The following NAV2 variants were observed in gnomAD, a reference collection of about 807,000 sequenced individuals.
NAV2 encodes the protein helicase, APC down-regulated 1.
In NAV2, 54 loss-of-function variants were observed where a neutral mutation model predicts 223.2. The ratio of observed to expected loss-of-function variants is 0.24; its 90% CI spans 0.19 to 0.30. NAV2 has a LOEUF of 0.30. Ranked by LOEUF, NAV2 falls within the 10% of genes least tolerant of loss-of-function variation. The probability of loss-of-function intolerance (pLI) is 1.00; values close to 1 mark genes in which losing one functional copy is unlikely to be tolerated. For synonymous variants in NAV2, 1,279 were observed against 1,239.3 expected (o/e 1.03, Z -0.67); for missense variants, 2,806 against 3,147.5 (o/e 0.89, Z 2.60).
chr11:19,668,466 G>A (rs1351120427), intron 1 of NAV2, among the ~76,000 whole-genome samples: 1 of 141,194 alleles, frequency 7.1e-6, no homozygotes, highest in African/African-American at 2.6e-5. Context: ...CTGGGAGGTG[G>A]AAGTTGCAGT....
chr11:19,898,932 T>C (rs2042222062), intron 6 of NAV2, among the ~76,000 whole-genome samples: 1 of 152,216 alleles, frequency 6.6e-6, no homozygotes, highest in South Asian at 2.1e-4. Context: ...TGACACTGCT[T>C]TGACAACCAG....
intron 1 of NAV2, among the ~76,000 whole-genome samples, chr11:19,641,432 T>C (rs561224061): frequency 6.6e-5 from 10 of 152,180 alleles, no homozygotes; most frequent in African/African-American, 2.4e-4. Context: ...TCTTAGCTGG[T>C]CTTGCTGCCT....
chr11:19,884,460 T>C (rs2153104237), intron 5 of NAV2: 1 of 980,946 alleles, frequency 1.0e-6, no homozygotes, highest in East Asian at 2.5e-5. Context: ...GGTCCTCTCC[T>C]CGTTTCATGT....
intron 1 of NAV2, among the ~76,000 whole-genome samples, chr11:19,365,129 C>G (rs1300271991): frequency 6.6e-6 from 1 of 152,192 alleles, no homozygotes; most frequent in Non-Finnish European, 1.5e-5. Context: ...AAGACAATAG[C>G]TTATGTTTGG....
chr11:20,103,496 G>GT (rs1202759677), intron 33 of NAV2, 87 bp downstream of exon 33: 2 of 1,528,208 alleles, frequency 1.3e-6, no homozygotes, highest in Non-Finnish European at 1.8e-6. Flanking sequence ...GCCCGGGGCC[G>GT]TTGTGGGAGT....
chr11:19,556,299 G>A (rs887293335), intron 1 of NAV2, among the ~76,000 whole-genome samples: 15 of 152,336 alleles, frequency 9.8e-5, no homozygotes, highest in Admixed American at 3.3e-4. Context: ...GGAATATCAT[G>A]CCACCATTAA....
intron 1 of NAV2, among the ~76,000 whole-genome samples, chr11:19,454,966 C>T (rs77860705): frequency 2.0e-5 from 3 of 152,082 alleles, no homozygotes; most frequent in Non-Finnish European, 2.9e-5. Context: ...GCATCACCTG[C>T]GAACAGGTTA....
intron 14 of NAV2, among the ~76,000 whole-genome samples, chr11:20,047,512 G>A (rs913671584): frequency 1.3e-5 from 2 of 152,308 alleles, no homozygotes; most frequent in Admixed American, 1.3e-4. Context: ...AGAAAAAAAA[G>A]TGGATGAGAT....
At position 19,849,052 on chromosome 11, in the gene NAV2, C is replaced by T. The variant is rs550489460; in HGVS notation, c.438+6129C>T. Among the ~76,000 whole-genome samples the T allele has an allele frequency of 2.2e-4, 33 of 152,334 alleles. No homozygotes were observed. The South Asian group carries it at 6.8e-3, about 32-fold the overall frequency. On this transcript the variant is annotated intron_variant, in intron 3 of 37. Transcript: ENST00000349880. The stretch of plus-strand genomic sequence containing the variant: ...TTAATGAGCTAACATTTATTGATCA[C>T]TCACTATGCACCAGACTATGTGCTG...
At chr11:19,889,758 AGT>A (rs1312080544) in intron 5 of NAV2, among the ~76,000 whole-genome samples, 12 of 152,240 alleles carry the variant, frequency 7.9e-5, no homozygotes, top group Non-Finnish European at 1.6e-4. Context: ...CATTCCAGAG[AGT>A]GGAGCCCACA....
intron 5 of NAV2, chr11:19,884,454 C>T: frequency 9.5e-7 from 1 of 1,054,350 alleles, no homozygotes; most frequent in Non-Finnish European, 1.5e-6. Context: ...GCCTTTGGTC[C>T]TCTCCTCGTT....
intron 1 of NAV2, among the ~76,000 whole-genome samples, chr11:19,734,551 C>T (rs1448635297): frequency 2.6e-5 from 4 of 152,218 alleles, no homozygotes; most frequent in Non-Finnish European, 4.4e-5. Flanking sequence ...AGTTCATGCT[C>T]AAGCATTCGT....
intron 1 of NAV2, among the ~76,000 whole-genome samples, chr11:19,678,187 A>G (rs1474636833): frequency 6.6e-6 from 1 of 152,166 alleles, no homozygotes; most frequent in Admixed American, 6.5e-5. Flanking sequence ...ATAAGAAGAA[A>G]ACCAATTGCT....
chr11:19,960,589 T>TTTTA (rs5790101), intron 10 of NAV2, among the ~76,000 whole-genome samples: 76,552 of 141,460 alleles, frequency 0.54, 22,422 homozygotes, highest in Middle Eastern at 0.64. Context: ...TTTTTTAAAA[T>TTTTA]TTTATTTATT....
intron 1 of NAV2, among the ~76,000 whole-genome samples, chr11:19,591,880 T>C (rs1447265716): frequency 2.0e-5 from 3 of 152,202 alleles, no homozygotes; most frequent in Non-Finnish European, 4.4e-5. Flanking sequence ...TGGCTGCTTG[T>C]TGTGGACGCT....
At chr11:20,111,845 G>A (rs1350530553) in intron 36 of NAV2, among the ~76,000 whole-genome samples, 2 of 152,356 alleles carry the variant, frequency 1.3e-5, no homozygotes, top group East Asian at 3.9e-4. Context: ...AAGCCCAAAA[G>A]TTCCCCAGTC....
At chr11:19,605,956 A>C (rs1167165187) in intron 1 of NAV2, among the ~76,000 whole-genome samples, 1 of 152,220 alleles carries the variant, frequency 6.6e-6, no homozygotes, top group Non-Finnish European at 1.5e-5. Context: ...CAAGAAATCC[A>C]GGGGCCTGTG....
chr11:19,551,774 T>A (rs537811442), intron 1 of NAV2, among the ~76,000 whole-genome samples: 2 of 152,326 alleles, frequency 1.3e-5, no homozygotes, highest in Non-Finnish European at 2.9e-5. Flanking sequence ...ATAGTGCATT[T>A]CACGTGTGGA....
At chr11:20,019,278 T>G (rs531470168) in intron 11 of NAV2, among the ~76,000 whole-genome samples, 84 of 152,246 alleles carry the variant, frequency 5.5e-4, no homozygotes, top group African/African-American at 1.9e-3. Flanking sequence ...CAAGGTATAT[T>G]TGGGGACTCT....
Sources: allele counts gnomAD v4.1 joint callset (sites outside exome capture counted in the v4.1 genomes callset), GRCh38; gene constraint gnomAD v4.1.1; transcripts MANE v1.5; gene names NCBI Gene and HGNC (gene_info 2026-07-23, HGNC 2026-07-21).